The following NBEAL1 variants were observed in gnomAD, a reference collection of about 807,000 sequenced individuals.
The protein encoded by NBEAL1 is neurobeachin-like protein 1.
NBEAL1 carries 273 observed loss-of-function variants against 351.3 expected under a neutral mutation model. The observed-to-expected ratio is 0.78, with a 90% CI of 0.70 to 0.86. The LOEUF is 0.86. NBEAL1 is among the 40% of genes least tolerant of loss of function. The pLI, the probability that NBEAL1 is intolerant of heterozygous loss-of-function variation, is 0.00. For synonymous variants in NBEAL1, 1,050 were observed against 1,086.4 expected, an observed-to-expected ratio of 0.97 and a Z score of 0.66; for missense variants, 2,961 against 3,201.3, an observed-to-expected ratio of 0.92 and a Z score of 1.81.
intron 50 of NBEAL1, 142 bp downstream of exon 50, chr2:203,201,857 A>G (rs1379120510): frequency 1.6e-5 from 9 of 571,780 alleles, no homozygotes; most frequent in Admixed American, 3.7e-5. Context: ...GATTATAAAT[A>G]TATACTTTCT....
chr2:203,044,919 C>T (rs1197219265), intron 3 of NBEAL1, among the ~76,000 whole-genome samples: 1 of 152,056 alleles, frequency 6.6e-6, no homozygotes, highest in Non-Finnish European at 1.5e-5. Context: ...ATTCAAGAGC[C>T]AAACAGAGGA....
intron 38 of NBEAL1, among the ~76,000 whole-genome samples, chr2:203,168,669 C>G (rs1400909082): frequency 6.6e-6 from 1 of 152,074 alleles, no homozygotes. Context: ...GCCAAGGTGG[C>G]TGGATCACGA....
At chr2:203,127,475 G>A (rs2062965683) in intron 23 of NBEAL1, among the ~76,000 whole-genome samples, 2 of 152,216 alleles carry the variant, frequency 1.3e-5, no homozygotes, top group South Asian at 4.1e-4. Context: ...TGTAATCCCA[G>A]CACTTCGGGA....
At chr2:203,022,320 A>G (rs527691046) in intron 2 of NBEAL1, among the ~76,000 whole-genome samples, 122 of 152,316 alleles carry the variant, frequency 8.0e-4, no homozygotes, top group Non-Finnish European at 1.4e-3. Context: ...AAAGCACAGC[A>G]TTTTGAAATG....
Position 203,016,455 on chromosome 2 carries a change from T to C in NBEAL1, c.51+20T>C. The C allele has an allele frequency of 7.2e-7, 1 of 1,397,286 alleles. No homozygotes were observed. The highest frequency in any genetic ancestry group is 9.6e-7 in the Non-Finnish European group (1 of 1,043,826). 86.6% of individuals were successfully genotyped at this position (1,397,286 alleles called of 1,614,324 possible). A position where few individuals can be genotyped will look rare whatever the true frequency, so the allele number is the denominator to read the frequency against. On this transcript the variant is annotated intron_variant, in intron 2 of 55. Transcript: ENST00000683969. ...ACAAAGGTAATTGCTTTCCTTTTTA[T>C]TTTTATGTTTTAAAATACTTTATTA...
At chr2:203,201,183 T>A (rs1438055056) in intron 49 of NBEAL1, among the ~76,000 whole-genome samples, 1 of 152,234 alleles carries the variant, frequency 6.6e-6, no homozygotes, top group Non-Finnish European at 1.5e-5. Flanking sequence ...TAAGTTTATT[T>A]CTGATATTCC....
At chr2:203,135,074 G>C (rs533945713) in intron 27 of NBEAL1, among the ~76,000 whole-genome samples, 1 of 151,904 alleles carries the variant, frequency 6.6e-6, no homozygotes, top group South Asian at 2.1e-4. Context: ...TACTCGGGAG[G>C]CTGAGGCAGG....
At chr2:203,200,295 G>C (rs546731478) in intron 49 of NBEAL1, among the ~76,000 whole-genome samples, 1 of 152,124 alleles carries the variant, frequency 6.6e-6, no homozygotes, top group Non-Finnish European at 1.5e-5. Context: ...GGCGGATCAC[G>C]AGGTCAGGAG....
chr2:203,136,422 A>G (rs1170045269), intron 28 of NBEAL1, among the ~76,000 whole-genome samples, 170 bp downstream of exon 28: 1 of 152,178 alleles, frequency 6.6e-6, no homozygotes, highest in Non-Finnish European at 1.5e-5. Flanking sequence ...GAGTTTTTTG[A>G]GAGCAAAGCT....
chr2:203,026,595 A>G (rs1412233437), intron 2 of NBEAL1, among the ~76,000 whole-genome samples: 1 of 148,406 alleles, frequency 6.7e-6, no homozygotes, highest in African/African-American at 2.5e-5. Flanking sequence ...GCTCACTGCA[A>G]CCTCCACCTC....
At position 203,049,805 on chromosome 2, in the gene NBEAL1, C is replaced by T. The variant is rs1340228476; in HGVS notation, c.144-9C>T. 2.7e-6 allele frequency: 4 copies of T among 1,502,074 alleles called. No homozygotes were observed. Among genetic ancestry groups the T allele is most frequent in the Admixed American group, 4.7e-5 (2 of 42,106 alleles). The allele number at this position is 1,502,074 out of a possible 1,614,324, so 93.0% of individuals were successfully genotyped here. A position where few individuals can be genotyped will look rare whatever the true frequency, so the allele number is the denominator to read the frequency against. ...ACAGGCTTCTTATTTTTTTCCCTTT[C>T]TGTTGTAGGGTAGATGATATGCCTC... is the stretch of plus-strand genomic sequence containing the variant. On this transcript the variant is annotated splice_polypyrimidine_tract_variant and intron_variant, in intron 3 of 55. Coordinates refer to ENST00000683969, the MANE Select transcript of NBEAL1 (RefSeq NM_001378026.1).
At chr2:203,101,033 T>C (rs2062308506) in intron 12 of NBEAL1, among the ~76,000 whole-genome samples, 1 of 152,344 alleles carries the variant, frequency 6.6e-6, no homozygotes, top group Non-Finnish European at 1.5e-5. Context: ...GATAGTTTCC[T>C]TTGTTGTGCA....
At chr2:203,124,001 A>C (rs2062884662) in intron 19 of NBEAL1, among the ~76,000 whole-genome samples, 1 of 152,068 alleles carries the variant, frequency 6.6e-6, no homozygotes, top group East Asian at 1.9e-4. Context: ...TATTTACACA[A>C]AGAGCTCTTC....
chr2:203,084,354 T>C (rs1054515018), intron 9 of NBEAL1, 109 bp from the exon 10 acceptor site: 2 of 495,380 alleles, frequency 4.0e-6, no homozygotes, highest in African/African-American at 4.0e-5. Context: ...TTAAAAATAC[T>C]GAACATCAAA....
chr2:203,059,703 C>A (rs993533529), intron 6 of NBEAL1, among the ~76,000 whole-genome samples: 1 of 152,156 alleles, frequency 6.6e-6, no homozygotes, highest in African/African-American at 2.4e-5. Flanking sequence ...TCTGCTTATG[C>A]CCTGCTTATG....
intron 42 of NBEAL1, among the ~76,000 whole-genome samples, chr2:203,176,455 C>T (rs1261656531): frequency 2.0e-5 from 3 of 151,952 alleles, no homozygotes; most frequent in African/African-American, 4.8e-5. Context: ...CCAGGTGTGG[C>T]AGTTCACACC....
intron 24 of NBEAL1, among the ~76,000 whole-genome samples, chr2:203,129,457 G>C (rs995389433): frequency 6.6e-6 from 1 of 152,034 alleles, no homozygotes; most frequent in Admixed American, 6.6e-5. Flanking sequence ...TTCCCTATAA[G>C]GTTGCCGCTC....
intron 6 of NBEAL1, 42 bp downstream of exon 6, chr2:203,057,495 T>C: frequency 4.0e-6 from 6 of 1,489,194 alleles, no homozygotes; most frequent in Non-Finnish European, 5.5e-6. Context: ...AACCTGAATG[T>C]CATAATATAT....
intron 33 of NBEAL1, among the ~76,000 whole-genome samples, chr2:203,146,443 A>G (rs1261032005): frequency 6.6e-6 from 1 of 152,180 alleles, no homozygotes; most frequent in Admixed American, 6.5e-5. Context: ...AGAAAACTGC[A>G]GACCAGTATC....
Sources: gnomAD v4.1 joint callset for allele counts (sites outside exome capture counted in the v4.1 genomes callset) on GRCh38, gnomAD v4.1.1 for gene constraint, MANE v1.5 for transcripts, NCBI Gene and HGNC (gene_info 2026-07-23, HGNC 2026-07-21) for gene names.